The following GADL1 variants were observed in gnomAD, a reference collection of about 807,000 sequenced individuals.
The protein encoded by GADL1 is GAD like acidic amino acid decarboxylase 1, also known as acidic amino acid decarboxylase GADL1.
A neutral mutation model predicts 69.5 loss-of-function variants in GADL1; 71 were observed. That is an observed-to-expected ratio of 1.02 (90% CI 0.84 to 1.25). The LOEUF is 1.25. Ranked by LOEUF, GADL1 falls within the 50% of genes most tolerant of loss-of-function variation. The pLI is 0.00. For missense variants in GADL1, 737 were observed against 631.8 expected (o/e 1.17, Z -1.79); for synonymous variants, 254 against 214.4 (o/e 1.18, Z -1.62).
chr3:30,839,823 G>A (rs1697938603), intron 8 of GADL1, among the ~76,000 whole-genome samples: 1 of 152,004 alleles, frequency 6.6e-6, no homozygotes, highest in South Asian at 2.1e-4. Flanking sequence ...AAATAGAGAA[G>A]AAAAGGGAGA....
Position 30,766,395 on chromosome 3 carries a change from G to A in GADL1, c.1392+11784C>T, listed in dbSNP as rs551885680. On this transcript the variant is annotated intron_variant, in intron 14 of 14. Coordinates refer to ENST00000282538, the MANE Select transcript of GADL1 (RefSeq NM_207359.3). The stretch of plus-strand genomic sequence containing the variant: ...CCATGCTTGGTAATGCTCTACTGTG[G>A]CCATCTTGAAATTTTTAGTAGTTTC... Among the ~76,000 whole-genome samples, 9 of 152,280 alleles carry A rather than the reference G, an allele frequency of 5.9e-5. No individual in the cohort carries two copies. In the South Asian group the frequency reaches 1.7e-3, roughly 28 times the overall value.
chr3:30,824,982 C>T (rs896554907), intron 11 of GADL1, among the ~76,000 whole-genome samples: 4 of 151,892 alleles, frequency 2.6e-5, no homozygotes, highest in African/African-American at 9.7e-5. Flanking sequence ...AAATTCCCAA[C>T]TAGCCTACCA....
At chr3:30,771,806 T>G (rs145926331) in intron 14 of GADL1, among the ~76,000 whole-genome samples, 1 of 152,154 alleles carries the variant, frequency 6.6e-6, no homozygotes, top group Non-Finnish European at 1.5e-5. Context: ...TCAATTAATT[T>G]GTGAACATGT....
intron 1 of GADL1, among the ~76,000 whole-genome samples, chr3:30,876,044 G>A (rs1268333211): frequency 1.3e-5 from 2 of 151,900 alleles, no homozygotes; most frequent in African/African-American, 2.4e-5. Flanking sequence ...CCTTATGAAT[G>A]TTTTCTTCAG....
chr3:30,884,955 G>C (rs1379859254), intron 1 of GADL1, among the ~76,000 whole-genome samples: 7 of 151,954 alleles, frequency 4.6e-5, no homozygotes, highest in Non-Finnish European at 2.9e-5. Flanking sequence ...ATTGCTATTA[G>C]AGTCAGAACC....
rs944034689 is a variant in GADL1, at chr3:30,850,251, C to A, written c.536-140G>T. ...CCGTGAAAAGCACATGAACACCGAC[C>A]TCCCTGCTCCCATTATTCTGAATAT... On this transcript the variant is annotated intron_variant, in intron 5 of 14. Coordinates refer to ENST00000282538, the MANE Select transcript of GADL1 (RefSeq NM_207359.3). 7 of 639,894 alleles carry A rather than the reference C, an allele frequency of 1.1e-5. No individual in the cohort carries two copies. In the African/African-American group the frequency reaches 1.3e-4, roughly 12 times the overall value. 39.6% of individuals were successfully genotyped at this position (639,894 alleles called of 1,614,324 possible).
intron 14 of GADL1, among the ~76,000 whole-genome samples, chr3:30,772,721 A>C (rs567749136): frequency 7.6e-4 from 116 of 152,238 alleles, no homozygotes; most frequent in Non-Finnish European, 1.3e-3. Context: ...CTAAAAATAC[A>C]AAACATTATC....
chr3:30,817,563 A>G (rs115699067), intron 11 of GADL1, among the ~76,000 whole-genome samples: 209 of 152,244 alleles, frequency 1.4e-3, no homozygotes, highest in African/African-American at 4.7e-3. Flanking sequence ...TGATGTTGCT[A>G]CCTCACAGGC....
chr3:30,747,116 A>G (rs893435493), intron 14 of GADL1, among the ~76,000 whole-genome samples: 2 of 152,190 alleles, frequency 1.3e-5, no homozygotes, highest in Non-Finnish European at 2.9e-5. Flanking sequence ...GATTTTTACT[A>G]TCACAGGCCT....
At chr3:30,769,634 G>A (rs945403740) in intron 14 of GADL1, among the ~76,000 whole-genome samples, 3 of 152,116 alleles carry the variant, frequency 2.0e-5, no homozygotes, top group East Asian at 1.9e-4. Context: ...AAGCCCAGAG[G>A]CCCCATCTAG....
intron 1 of GADL1, among the ~76,000 whole-genome samples, chr3:30,884,338 C>T (rs1469377152): frequency 6.6e-6 from 1 of 151,974 alleles, no homozygotes; most frequent in Non-Finnish European, 1.5e-5. Flanking sequence ...TAGCATCAGG[C>T]AAAAACTCAT....
chr3:30,832,239 C>A (rs1012998572), intron 11 of GADL1, among the ~76,000 whole-genome samples: 1 of 151,292 alleles, frequency 6.6e-6, no homozygotes, highest in Non-Finnish European at 1.5e-5. Flanking sequence ...TGAAAGTGCT[C>A]AGTTCTTTGC....
intron 14 of GADL1, among the ~76,000 whole-genome samples, chr3:30,743,181 C>T (rs1275934673): frequency 6.6e-6 from 1 of 152,052 alleles, no homozygotes; most frequent in Non-Finnish European, 1.5e-5. Context: ...ATATCTTGTT[C>T]TACTTCACTG....
intron 1 of GADL1, among the ~76,000 whole-genome samples, chr3:30,866,472 A>C (rs1380805304): frequency 6.6e-6 from 1 of 152,026 alleles, no homozygotes; most frequent in Admixed American, 6.6e-5. Context: ...AATAATAGTA[A>C]TAATAGTACA....
intron 12 of GADL1, among the ~76,000 whole-genome samples, chr3:30,795,232 C>A (rs1697008826): frequency 6.6e-6 from 1 of 152,060 alleles, no homozygotes; most frequent in African/African-American, 2.4e-5. Flanking sequence ...TGCTGGGCAT[C>A]AGTGGGCTTC....
intron 14 of GADL1, among the ~76,000 whole-genome samples, chr3:30,768,038 C>CG (rs1264502083): frequency 8.6e-5 from 1 of 11,690 alleles, no homozygotes; most frequent in Non-Finnish European, 2.5e-4. Flanking sequence ...TCCCCATACC[C>CG]CCCCCCCCCT....
intron 14 of GADL1, among the ~76,000 whole-genome samples, chr3:30,731,239 A>G (rs1007472775): frequency 6.6e-6 from 1 of 152,218 alleles, no homozygotes; most frequent in Non-Finnish European, 1.5e-5. Context: ...TTCGTCCTCC[A>G]GGTACCCAGG....
intron 11 of GADL1, among the ~76,000 whole-genome samples, chr3:30,811,199 C>T (rs984938505): frequency 3.9e-5 from 6 of 152,130 alleles, no homozygotes; most frequent in Non-Finnish European, 7.4e-5. Flanking sequence ...TTAAATACCC[C>T]TAACTAAGGG....
intron 1 of GADL1, among the ~76,000 whole-genome samples, chr3:30,887,006 G>A (rs1297808562): frequency 6.6e-6 from 1 of 152,206 alleles, no homozygotes; most frequent in South Asian, 2.1e-4. Context: ...TGGGAGGCAG[G>A]CTCTGTTACT....
Sources: gnomAD v4.1 joint callset for allele counts (sites outside exome capture counted in the v4.1 genomes callset) on GRCh38, gnomAD v4.1.1 for gene constraint, MANE v1.5 for transcripts, NCBI Gene and HGNC (gene_info 2026-07-23, HGNC 2026-07-21) for gene names.